The following SND1 variants were observed in gnomAD, a reference collection of about 807,000 sequenced individuals.
SND1 encodes the protein staphylococcal nuclease and tudor domain containing 1, also known as staphylococcal nuclease domain-containing protein 1.
In SND1, 38 loss-of-function variants were observed where a neutral mutation model predicts 121.7. That is an observed-to-expected ratio of 0.31 (90% CI 0.24 to 0.41). The LOEUF is 0.41. Among genes scored for constraint, SND1 ranks in the 10% least tolerant of loss-of-function variants. SND1 has a pLI of 1.00. For missense variants in SND1, 868 were observed against 1,184.6 expected (o/e 0.73, Z 3.92); for synonymous variants, 401 against 447.4 (o/e 0.90, Z 1.31).
At chr7:127,947,613 G>A (rs1447857501) in intron 15 of SND1, among the ~76,000 whole-genome samples, 1 of 152,158 alleles carries the variant, frequency 6.6e-6, no homozygotes, top group African/African-American at 2.4e-5. Context: ...AGGCACGGAT[G>A]GCAACTAGTA....
At chr7:128,058,113 A>C (rs1051289431) in intron 16 of SND1, among the ~76,000 whole-genome samples, 3 of 152,250 alleles carry the variant, frequency 2.0e-5, no homozygotes, top group African/African-American at 7.2e-5. Context: ...TCTAGAAATC[A>C]CAGAGACCTG....
At chr7:128,026,856 T>C (rs1382742279) in intron 16 of SND1, among the ~76,000 whole-genome samples, 3 of 152,206 alleles carry the variant, frequency 2.0e-5, no homozygotes, top group African/African-American at 7.2e-5. Context: ...AGTTAGCTTG[T>C]AGAAGGTGCA....
chr7:128,030,776 A>G (rs1194640216), intron 16 of SND1: 1 of 1,167,700 alleles, frequency 8.6e-7, no homozygotes, highest in Non-Finnish European at 1.2e-6. Context: ...GATTAGAGAG[A>G]CGGAGCGGAT....
At chr7:127,661,519 T>C (rs1048115970) in intron 1 of SND1, among the ~76,000 whole-genome samples, 1 of 152,194 alleles carries the variant, frequency 6.6e-6, no homozygotes, top group Non-Finnish European at 1.5e-5. Flanking sequence ...ATAGGCCCCA[T>C]TCTTAACAAC....
chr7:127,657,626 G>T (rs1044176827), intron 1 of SND1, among the ~76,000 whole-genome samples: 1 of 152,072 alleles, frequency 6.6e-6, no homozygotes, highest in African/African-American at 2.4e-5. Context: ...CTCCTGAGTA[G>T]CTAGGACTAC....
chr7:127,832,242 A>G (rs1563028764), intron 11 of SND1, among the ~76,000 whole-genome samples: 2 of 152,234 alleles, frequency 1.3e-5, no homozygotes, highest in Admixed American at 6.5e-5. Flanking sequence ...ACATTTGTAC[A>G]TACATCTTTG....
chr7:127,668,465 A>G (rs1258956790), intron 1 of SND1, among the ~76,000 whole-genome samples: 1 of 152,214 alleles, frequency 6.6e-6, no homozygotes, highest in South Asian at 2.1e-4. Context: ...TCTATGCTGG[A>G]TGTTCTGTAA....
At chr7:128,042,016 A>G (rs931812391) in intron 16 of SND1, among the ~76,000 whole-genome samples, 1 of 152,098 alleles carries the variant, frequency 6.6e-6, no homozygotes, top group Non-Finnish European at 1.5e-5. Context: ...CCAGCTGGGG[A>G]TCTGAGGGGT....
intron 12 of SND1, among the ~76,000 whole-genome samples, chr7:127,855,987 T>C (rs2116671250): frequency 6.6e-6 from 1 of 152,226 alleles, no homozygotes; most frequent in South Asian, 2.1e-4. Context: ...ATTGTTCCAT[T>C]GGAGGCACTT....
At chr7:127,741,088 A>G (rs1476980921) in intron 10 of SND1, among the ~76,000 whole-genome samples, 2 of 152,220 alleles carry the variant, frequency 1.3e-5, no homozygotes, top group Non-Finnish European at 2.9e-5. Context: ...AGAGAAAACC[A>G]TTAACATAAT....
At chr7:128,047,300 G>A (rs1384261003) in intron 16 of SND1, among the ~76,000 whole-genome samples, 2 of 152,204 alleles carry the variant, frequency 1.3e-5, no homozygotes, top group African/African-American at 2.4e-5. Flanking sequence ...GTGGACTCAG[G>A]CAGCCTAAGT....
At chr7:127,941,210 C>CT (rs1239184565) in intron 15 of SND1, among the ~76,000 whole-genome samples, 2 of 152,080 alleles carry the variant, frequency 1.3e-5, no homozygotes, top group African/African-American at 2.4e-5. Context: ...AGTTTTTGGG[C>CT]TTTTTTTAAC....
intron 10 of SND1, among the ~76,000 whole-genome samples, chr7:127,737,635 G>T (rs766169805): frequency 2.6e-5 from 4 of 152,186 alleles, no homozygotes; most frequent in Non-Finnish European, 5.9e-5. Flanking sequence ...ATCTCTACAG[G>T]TTTAGTATCC....
At chr7:127,732,311 G>A (rs1490539863) in intron 10 of SND1, among the ~76,000 whole-genome samples, 2 of 152,220 alleles carry the variant, frequency 1.3e-5, no homozygotes, top group Non-Finnish European at 2.9e-5. Flanking sequence ...ATTTCTACCT[G>A]CTACCCTCCC....
chr7:127,854,423 G>A (rs536429220), intron 12 of SND1, among the ~76,000 whole-genome samples: 17 of 151,948 alleles, frequency 1.1e-4, no homozygotes, highest in Admixed American at 2.0e-4. Context: ...CCACCACTCC[G>A]GCCAGGGCTT....
chr7:127,880,034 G>A (rs960698843), intron 12 of SND1, among the ~76,000 whole-genome samples: 9 of 152,156 alleles, frequency 5.9e-5, no homozygotes, highest in African/African-American at 2.2e-4. Context: ...AATATTAAAT[G>A]GAAAATCCTA....
At chr7:127,888,063 T>C in intron 13 of SND1, 51 bp downstream of exon 13, 1 of 1,312,224 alleles carries the variant, frequency 7.6e-7, no homozygotes, top group Admixed American at 1.8e-5. Flanking sequence ...CTCACTTTTT[T>C]CTTTCCCAGT....
intron 15 of SND1, among the ~76,000 whole-genome samples, chr7:127,983,873 AT>A (rs1317662519): frequency 3.3e-5 from 5 of 152,146 alleles, no homozygotes; most frequent in African/African-American, 1.2e-4. Context: ...CCCAGTAGTC[AT>A]CCCCACACTA....
intron 16 of SND1, among the ~76,000 whole-genome samples, chr7:128,035,777 A>G (rs1005816762): frequency 1.3e-5 from 2 of 152,220 alleles, no homozygotes; most frequent in African/African-American, 2.4e-5. Context: ...TGGGTCGCCA[A>G]TAGAAAATGA....
Sources: gnomAD v4.1 joint callset for allele counts (sites outside exome capture counted in the v4.1 genomes callset) on GRCh38, gnomAD v4.1.1 for gene constraint, MANE v1.5 for transcripts, NCBI Gene and HGNC (gene_info 2026-07-23, HGNC 2026-07-21) for gene names.